SLC25A23: variants seen among roughly 807,000 people sequenced by gnomAD.
SLC25A23 encodes solute carrier family 25 member 23, also known as mitochondrial adenyl nucleotide antiporter SLC25A23.
A neutral mutation model predicts 53.9 loss-of-function variants in SLC25A23; 32 were observed. The ratio of observed to expected loss-of-function variants is 0.59; its 90% CI spans 0.45 to 0.80. The LOEUF is 0.80. Ranked by LOEUF, SLC25A23 falls within the 30% of genes least tolerant of loss-of-function variation. The pLI is 0.00. For synonymous variants in SLC25A23, 275 were observed against 264.5 expected, an observed-to-expected ratio of 1.04 and a Z score of -0.38; for missense variants, 575 against 651.4, an observed-to-expected ratio of 0.88 and a Z score of 1.28.
chr19:6,454,201 G>A lies in SLC25A23; in HGVS notation c.796-113C>T. ...GCTTGCTGCAGGCATTCATGCAGAGGAGCAGATGCCTGATCCTGGGGACCT... is the reference window on the plus strand; with the variant it reads ...GCTTGCTGCAGGCATTCATGCAGAGAAGCAGATGCCTGATCCTGGGGACCT... On this transcript the variant is annotated intron_variant, in intron 6 of 9. Transcript: ENST00000301454. The surrounding 1 kb of genome is among the most constrained non-coding windows in gnomAD (Gnocchi z 4.3). The A allele has an allele frequency of 6.6e-7, 1 of 1,511,440 alleles. No individual in the cohort carries two copies. The highest frequency in any genetic ancestry group is 9.0e-7 in the Non-Finnish European group (1 of 1,114,118). The allele number at this position is 1,511,440 out of a possible 1,614,324, so 93.6% of individuals were successfully genotyped here.
intron 7 of SLC25A23, among the ~76,000 whole-genome samples, chr19:6,453,750 A>G (rs1458004684): frequency 3.3e-5 from 5 of 152,212 alleles, no homozygotes; most frequent in African/African-American, 9.6e-5. Flanking sequence ...GCTGGCTCCT[A>G]TGACTACCAT....
intron 4 of SLC25A23, among the ~76,000 whole-genome samples, chr19:6,455,594 C>A (rs2092667476): frequency 6.6e-6 from 1 of 152,088 alleles, no homozygotes; most frequent in African/African-American, 2.4e-5. Flanking sequence ...CTCCAGATGC[C>A]ATCAGATCCT....
chr19:6,454,728 A>T lies in SLC25A23; in HGVS notation c.484-11T>A. 1 of 1,613,234 alleles carries T rather than the reference A, an allele frequency of 6.2e-7. No individual in the cohort carries two copies. Among genetic ancestry groups the T allele is most frequent in the South Asian group, 1.1e-5 (1 of 91,034 alleles). ...GCCAATGTCCAGGACCTAAAGATAC[A>T]GGTGTTGGGGGTGTCATGCCATGGT... On this transcript the variant is annotated splice_polypyrimidine_tract_variant and intron_variant, in intron 4 of 9. Coordinates refer to ENST00000301454, the MANE Select transcript of SLC25A23 (RefSeq NM_024103.3). This position sits in a 1 kb window ranked among gnomAD's most constrained non-coding sequence, Gnocchi z 4.3.
intron 9 of SLC25A23, among the ~76,000 whole-genome samples, chr19:6,442,681 C>T (rs56266348): frequency 0.069 from 10,452 of 151,912 alleles, 530 homozygotes; most frequent in African/African-American, 0.15. Context: ...GCCAAGTAGC[C>T]GGGATTACAG....
At chr19:6,444,630 C>A (rs2092476473) in intron 8 of SLC25A23, among the ~76,000 whole-genome samples, 2 of 152,052 alleles carry the variant, frequency 1.3e-5, no homozygotes, top group Non-Finnish European at 2.9e-5. Context: ...ATCTGAGTGG[C>A]CCAATGCCAT....
At position 6,443,823 on chromosome 19, in the gene SLC25A23, CCT is replaced by C. The variant is rs1200549965; in HGVS notation, c.1222+326_1222+327del. ...ACTCTGGCCCTGACTGCTCCCTACC[CCT>C]GTTCCTAGCCTCCCGCTCACGATAA... is the stretch of plus-strand genomic sequence containing the variant. On this transcript the variant is annotated intron_variant, in intron 9 of 9. Coordinates refer to ENST00000301454, the MANE Select transcript of SLC25A23 (RefSeq NM_024103.3). Among the ~76,000 whole-genome samples the C allele has an allele frequency of 1.4e-4, 21 of 152,186 alleles. No individual in the cohort carries two copies. In the East Asian group the frequency reaches 3.9e-3, roughly 28 times the overall value.
chr19:6,458,329 C>A lies in SLC25A23; in HGVS notation c.157-5G>T, dbSNP rs1446964379. On this transcript the variant is annotated splice_region_variant and splice_polypyrimidine_tract_variant and intron_variant, in intron 1 of 9. Coordinates refer to ENST00000301454, the MANE Select transcript of SLC25A23 (RefSeq NM_024103.3). The stretch of plus-strand genomic sequence containing the variant: ...ATCACCCTCAGAGGAGATACCCTGA[C>A]AGAGGGAAAGGGGATAGAGGTGGCT... 1.9e-6 allele frequency: 3 copies of A among 1,611,868 alleles called. No individual in the cohort carries two copies. In the East Asian group the frequency reaches 6.7e-5, roughly 36 times the overall value.
At chr19:6,437,613 T>C (rs1218554252), downstream of SLC25A23, among the ~76,000 whole-genome samples, 1 of 151,418 alleles carries the variant, frequency 6.6e-6, no homozygotes, top group African/African-American at 2.4e-5. Flanking sequence ...TTCAAGACCA[T>C]CCTGGCTAAC....
intron 3 of SLC25A23, among the ~76,000 whole-genome samples, 191 bp downstream of exon 3, chr19:6,457,312 C>A (rs1000941781): frequency 6.6e-6 from 1 of 152,010 alleles, no homozygotes; most frequent in Non-Finnish European, 1.5e-5. Context: ...GGTGATCCAC[C>A]TGCCTCAGCC....
chr19:6,445,922 C>CAAAA (rs886928318), intron 8 of SLC25A23, among the ~76,000 whole-genome samples: 1 of 109,688 alleles, frequency 9.1e-6, no homozygotes, highest in Non-Finnish European at 1.6e-5. Flanking sequence ...AACAAACAAA[C>CAAAA]AAAAAAAAAC....
chr19:6,456,546 G>A lies in SLC25A23; in HGVS notation c.372-15C>T, dbSNP rs1478123964. On this transcript the variant is annotated splice_polypyrimidine_tract_variant and intron_variant, in intron 3 of 9. Coordinates refer to ENST00000301454, the MANE Select transcript of SLC25A23 (RefSeq NM_024103.3). ...CTCGGTCCATGCTGGGGGGAAGAAAGGGGGTGGAGGAGGACAGGTTCAGTG... is the reference window on the plus strand; with the variant it reads ...CTCGGTCCATGCTGGGGGGAAGAAAAGGGGTGGAGGAGGACAGGTTCAGTG... 2 of 1,609,420 alleles carry A rather than the reference G, an allele frequency of 1.2e-6. No homozygotes were observed. The highest frequency in any genetic ancestry group is 2.2e-5 in the East Asian group (1 of 44,866).
At chr19:6,445,346 T>C (rs556455401) in intron 8 of SLC25A23, among the ~76,000 whole-genome samples, 1 of 148,624 alleles carries the variant, frequency 6.7e-6, no homozygotes, top group South Asian at 2.2e-4. Context: ...TGACTTCAGG[T>C]GATCCACCTG....
intron 4 of SLC25A23, among the ~76,000 whole-genome samples, chr19:6,455,768 A>G (rs374793340): frequency 2.8e-5 from 4 of 142,088 alleles, no homozygotes; most frequent in East Asian, 2.2e-4. Flanking sequence ...CCCAGGCTAG[A>G]GTGCAGTGGC....
At chr19:6,438,061 A>AC (rs2092356335), downstream of SLC25A23, 1 of 150,166 alleles carries the variant, frequency 6.7e-6, no homozygotes, top group African/African-American at 2.5e-5. Context: ...AAAAAAAAAA[A>AC]CAAACTTGGA....
chr19:6,452,964 A>G (rs1357720206), intron 7 of SLC25A23, among the ~76,000 whole-genome samples: 1 of 152,250 alleles, frequency 6.6e-6, no homozygotes, highest in Non-Finnish European at 1.5e-5. Context: ...GTATGTGGCT[A>G]TGTCACTATG....
intron 8 of SLC25A23, among the ~76,000 whole-genome samples, chr19:6,450,088 C>T (rs1325417168): frequency 2.6e-5 from 4 of 151,150 alleles, no homozygotes; most frequent in Non-Finnish European, 5.9e-5. Flanking sequence ...GAACTCCTGA[C>T]CTCAGGTGAT....
rs374206373 is a variant in SLC25A23 at position 6,441,984 on chromosome 19, C to T, written c.1398G>A (p.Thr466=). Residue 466 remains threonine, a synonymous_variant, in exon 10 of 10, where the codon ACG becomes ACA. Coordinates refer to ENST00000301454, the MANE Select transcript of SLC25A23 (RefSeq NM_024103.3). ...ACGGGCTCCGGGTCCCTCACCTGGA[C>T]GTGACCCCCAAGGCCTGCTTCATGT... ...YENMKQALGV[T]SR 46 of 1,613,536 alleles carry T rather than the reference C, an allele frequency of 2.9e-5. No homozygotes were observed. The highest frequency in any genetic ancestry group is 8.0e-5 in the African/African-American group (6 of 74,826).
At chr19:6,443,741 T>G (rs901112757) in intron 9 of SLC25A23, 13 of 652,412 alleles carry the variant, frequency 2.0e-5, no homozygotes, top group Non-Finnish European at 3.6e-5. Context: ...AGGGTAGTGG[T>G]GGAGGGGACG....
intron 8 of SLC25A23, among the ~76,000 whole-genome samples, chr19:6,449,162 G>T (rs1274393400): frequency 6.6e-6 from 1 of 151,988 alleles, no homozygotes; most frequent in Non-Finnish European, 1.5e-5. Context: ...AAACTCCAAG[G>T]TTTCTAAAAC....
Sources: allele counts gnomAD v4.1 joint callset (sites outside exome capture counted in the v4.1 genomes callset), GRCh38; gene constraint gnomAD v4.1.1; non-coding constraint Gnocchi (gnomAD v3.1); transcripts MANE v1.5; gene names NCBI Gene and HGNC (gene_info 2026-07-23, HGNC 2026-07-21).